The following MID1 variants were observed in gnomAD, a reference collection of about 807,000 sequenced individuals.
MID1 encodes midline 1, also known as E3 ubiquitin-protein ligase Midline-1.
In MID1, 7 loss-of-function variants were observed where a neutral mutation model predicts 40.4. That is an observed-to-expected ratio of 0.17 (90% confidence interval 0.10 to 0.33). MID1 has a LOEUF of 0.33. MID1 is among the 10% of genes least tolerant of loss of function. The probability of loss-of-function intolerance (pLI) is 1.00; values close to 1 mark genes in which losing one functional copy is unlikely to be tolerated. For missense variants in MID1, 367 were observed against 558.5 expected (o/e 0.66, Z 3.46); for synonymous variants, 229 against 221.2 (o/e 1.04, Z -0.31).
chrX:10,829,222 G>GCCT (rs1346768956), intron 1 of MID1, among the ~76,000 whole-genome samples: 1 of 112,039 alleles, frequency 8.9e-6, no homozygotes, highest in Non-Finnish European at 1.9e-5. Flanking sequence ...AATAATCAAG[G>GCCT]CCTCTGTTGC....
intron 3 of MID1, chrX:10,501,395 C>T: frequency 8.7e-7 from 1 of 1,153,311 alleles, no homozygotes; most frequent in Non-Finnish European, 1.1e-6. Flanking sequence ...CACCCATCTG[C>T]TCAGCACATA....
intron 1 of MID1, among the ~76,000 whole-genome samples, chrX:10,799,568 C>T (rs1303855926): frequency 8.9e-6 from 1 of 111,877 alleles, no homozygotes; most frequent in Non-Finnish European, 1.9e-5. Flanking sequence ...GAATGCTGGG[C>T]TAATCAATGT....
chrX:10,476,720 A>G (rs1930034392), intron 5 of MID1, among the ~76,000 whole-genome samples: 1 of 111,483 alleles, frequency 9.0e-6, no homozygotes. Flanking sequence ...ATGAGGGTAG[A>G]GAATCTAACT....
intron 1 of MID1, among the ~76,000 whole-genome samples, chrX:10,755,772 T>C (rs2043629217): frequency 8.9e-6 from 1 of 111,980 alleles, no homozygotes; most frequent in African/African-American, 3.3e-5. Context: ...CAGAGGCATA[T>C]GAAGAACAGC....
chrX:10,820,118 T>C (rs1247361155), intron 1 of MID1, among the ~76,000 whole-genome samples: 2 of 112,187 alleles, frequency 1.8e-5, no homozygotes, highest in African/African-American at 3.2e-5. Context: ...TAAAATGCAG[T>C]CCATTGACAT....
chrX:10,633,211 G>C (rs1034441436), intron 1 of MID1, among the ~76,000 whole-genome samples: 13 of 111,908 alleles, frequency 1.2e-4, no homozygotes, highest in South Asian at 3.7e-4. Context: ...GTACCAGAGA[G>C]AGAAGAATGA....
At chrX:10,575,291 G>C (rs1245974030) in intron 1 of MID1, among the ~76,000 whole-genome samples, 1 of 111,731 alleles carries the variant, frequency 9.0e-6, no homozygotes, top group East Asian at 2.8e-4. Context: ...TTCTATCTTG[G>C]ACCAGCAGAA....
At chrX:10,766,375 A>G (rs1227867349) in intron 1 of MID1, among the ~76,000 whole-genome samples, 14 of 111,395 alleles carry the variant, frequency 1.3e-4, no homozygotes, top group South Asian at 3.8e-4. Context: ...GTGGTGGTCT[A>G]TGGTGAACTG....
chrX:10,705,454 C>T (rs181040680), intron 1 of MID1, among the ~76,000 whole-genome samples: 8 of 112,212 alleles, frequency 7.1e-5, no homozygotes, highest in Non-Finnish European at 3.8e-5. Flanking sequence ...CCCAGTTTCA[C>T]ATTTTGTTTC....
At chrX:10,613,724 T>TAG (rs1452004935) in intron 1 of MID1, among the ~76,000 whole-genome samples, 85 of 54,423 alleles carry the variant, frequency 1.6e-3, no homozygotes, top group East Asian at 5.7e-3. Context: ...TATATATATA[T>TAG]ATATATATAG....
At chrX:10,505,888 T>A (rs1366402354) in intron 3 of MID1, 1 of 752,386 alleles carries the variant, frequency 1.3e-6, no homozygotes, top group Non-Finnish European at 1.6e-6. Flanking sequence ...CCTTTTTGGG[T>A]TTCAGTTACT....
chrX:10,512,425 T>A (rs1460723349), intron 3 of MID1, among the ~76,000 whole-genome samples: 1 of 113,060 alleles, frequency 8.8e-6, no homozygotes, highest in Non-Finnish European at 1.9e-5. Context: ...CTGATTCTTG[T>A]TATATCTGGC....
intron 1 of MID1, among the ~76,000 whole-genome samples, chrX:10,591,206 TAGAG>T (rs1026121322): frequency 1.1e-4 from 12 of 112,425 alleles, no homozygotes; most frequent in South Asian, 3.7e-4. Context: ...GAATACTGAT[TAGAG>T]AAAGTATCAC....
chrX:10,735,895 G>A (rs2043484361), intron 1 of MID1, among the ~76,000 whole-genome samples: 1 of 110,996 alleles, frequency 9.0e-6, no homozygotes, highest in Non-Finnish European at 1.9e-5. Flanking sequence ...GTCTCCCAAA[G>A]TGCTGGGATT....
intron 1 of MID1, among the ~76,000 whole-genome samples, chrX:10,825,099 T>A (rs978103644): frequency 1.6e-4 from 18 of 112,042 alleles, no homozygotes; most frequent in Non-Finnish European, 3.0e-4. Context: ...TATTAATACA[T>A]ACATACGCCC....
rs193162662 is a variant in MID1, at chrX:10,665,309, G to A, written c.-186-44890C>T. 3.2e-3 allele frequency among the ~76,000 whole-genome samples: 361 copies of A among 111,690 alleles called. 2 individuals are homozygous for A. The highest frequency in any genetic ancestry group is 0.011 in the African/African-American group (346 of 30,742). On this transcript the variant is annotated intron_variant, in intron 1 of 10. Coordinates refer to the MID1 transcript ENST00000380785. ...AAGCCTCTAGACAGAGATTGATACAGACCCTGACTTTTAAAGCAAGCTGGG... is the reference window on the plus strand; with the variant it reads ...AAGCCTCTAGACAGAGATTGATACAAACCCTGACTTTTAAAGCAAGCTGGG...
intron 1 of MID1, among the ~76,000 whole-genome samples, chrX:10,804,438 G>A (rs2044029748): frequency 1.8e-5 from 2 of 111,872 alleles, no homozygotes; most frequent in African/African-American, 6.5e-5. Flanking sequence ...CTGGCTAGGG[G>A]TTATGCATGT....
chrX:10,650,946 A>T (rs1007479981), intron 1 of MID1, among the ~76,000 whole-genome samples: 1 of 111,570 alleles, frequency 9.0e-6, no homozygotes, highest in Non-Finnish European at 1.9e-5. Context: ...CAATCCCCTT[A>T]TAGCTGGACA....
intron 1 of MID1, among the ~76,000 whole-genome samples, chrX:10,710,968 T>TC (rs2043263506): frequency 9.0e-6 from 1 of 111,655 alleles, no homozygotes; most frequent in Admixed American, 9.5e-5. Flanking sequence ...ACCGGCCATG[T>TC]CTTTTCTTTA....
Sources: gnomAD v4.1 joint callset for allele counts (sites outside exome capture counted in the v4.1 genomes callset) on GRCh38, gnomAD v4.1.1 for gene constraint, MANE v1.5 for transcripts, NCBI Gene and HGNC (gene_info 2026-07-23, HGNC 2026-07-21) for gene names.